The following PDCD6IP variants were observed in gnomAD, a reference collection of about 807,000 sequenced individuals.
PDCD6IP encodes programmed cell death 6-interacting protein.
Under a neutral mutation model 103.7 loss-of-function variants are expected in PDCD6IP, and 43 were observed. That is an observed-to-expected ratio of 0.41 (90% CI 0.32 to 0.53). PDCD6IP has a LOEUF of 0.53. Among genes scored for constraint, PDCD6IP ranks in the 20% least tolerant of loss-of-function variants. The pLI, the probability that PDCD6IP is intolerant of heterozygous loss-of-function variation, is 0.16. For missense variants in PDCD6IP, 871 were observed against 1,036.7 expected, an observed-to-expected ratio of 0.84 and a Z score of 2.20; for synonymous variants, 354 against 378.7, an observed-to-expected ratio of 0.93 and a Z score of 0.76.
chr3:33,831,496 C>T (rs1697244512), intron 7 of PDCD6IP, among the ~76,000 whole-genome samples: 1 of 151,970 alleles, frequency 6.6e-6, no homozygotes, highest in African/African-American at 2.4e-5. Flanking sequence ...AAAAATAGTA[C>T]TTAATTATGT....
At chr3:33,836,418 G>A in intron 8 of PDCD6IP, 152 bp downstream of exon 8, 1 of 596,554 alleles carries the variant, frequency 1.7e-6, no homozygotes, top group Middle Eastern at 4.2e-4. Flanking sequence ...TATTGTGCCA[G>A]TGCAATGTTA....
intron 7 of PDCD6IP, among the ~76,000 whole-genome samples, chr3:33,833,278 C>T (rs1980402): frequency 0.022 from 3,355 of 151,726 alleles, 61 homozygotes; most frequent in Non-Finnish European, 0.035. Context: ...TTTAGTTTTC[C>T]CTGATTTTTT....
chr3:33,814,323 C>T (rs938805352), intron 3 of PDCD6IP, among the ~76,000 whole-genome samples: 4 of 151,672 alleles, frequency 2.6e-5, no homozygotes, highest in East Asian at 1.9e-4. Context: ...TTAGTAGAGA[C>T]GGGGTTTCAC....
Position 33,798,676 on chromosome 3 carries a change from C to T in PDCD6IP, c.-53C>T. 1 of 1,462,690 alleles carries T rather than the reference C, an allele frequency of 6.8e-7. No individual in the cohort carries two copies. 90.6% of individuals were successfully genotyped at this position (1,462,690 alleles called of 1,614,324 possible). On this transcript the variant is annotated 5_prime_UTR_variant, in exon 1 of 18. Coordinates refer to ENST00000307296, the MANE Select transcript of PDCD6IP (RefSeq NM_013374.6). ...GCCCAGTACCTCTCTCTCCTCGGCC[C>T]TCGTAAGCTGTCCGCGGTCTGTTTG... is the stretch of plus-strand genomic sequence containing the variant.
intron 6 of PDCD6IP, 121 bp from the exon 7 acceptor site, chr3:33,828,732 C>T (rs1025844440): frequency 1.0e-6 from 1 of 999,966 alleles, no homozygotes; most frequent in Non-Finnish European, 1.5e-6. Context: ...ACCTTAATCT[C>T]TAAACCATTA....
In PDCD6IP at chr3:33,836,100, G is replaced by A; in HGVS notation, c.891G>A (p.Val297=). 6.2e-7 allele frequency: 1 copy of A among 1,612,742 alleles called. No homozygotes were observed. The highest frequency in any genetic ancestry group is 1.7e-5 in the Admixed American group (1 of 59,998). ...CTCGCTATGATGAATATGTTAATGT[G>A]AAGGATTTTTCTGACAAAATCAATC... ...VASRYDEYVN[V]KDFSDKINRA... Residue 297 remains valine (V), a synonymous_variant, in exon 8 of 18, where the codon GTG becomes GTA. Transcript: ENST00000307296.
At chr3:33,838,423 G>C in intron 9 of PDCD6IP, 96 bp downstream of exon 9, 1 of 1,166,442 alleles carries the variant, frequency 8.6e-7, no homozygotes, top group Admixed American at 2.2e-5. Context: ...TAAATGTCAA[G>C]AGTATATAAA....
intron 16 of PDCD6IP, 47 bp from the exon 17 acceptor site, chr3:33,865,196 A>G: frequency 7.6e-7 from 1 of 1,317,122 alleles, no homozygotes; most frequent in Admixed American, 2.9e-5. Flanking sequence ...TAGCAATTTG[A>G]GAGAAATATG....
intron 7 of PDCD6IP, among the ~76,000 whole-genome samples, chr3:33,830,463 G>C (rs1029240305): frequency 6.6e-6 from 1 of 152,110 alleles, no homozygotes; most frequent in African/African-American, 2.4e-5. Flanking sequence ...TCATTTTTAA[G>C]TACCCCTGAA....
Position 33,865,370 on chromosome 3 carries a change from G to A in PDCD6IP, c.2372G>A (p.Gly791Asp). 1 of 1,600,498 alleles carries A rather than the reference G, an allele frequency of 6.2e-7. No homozygotes were observed. The highest frequency in any genetic ancestry group is 2.3e-5 in the East Asian group (1 of 43,306). ...GCGCCAGCTCCATCACAAACGCCTG[G>A]CTCAGCTCCTCCTCCACAGGCGCAG... ...TAAPAPSQTP[G>D]SAPPPQAQGP... Residue 791 changes from glycine to aspartate, a missense_variant, in exon 17 of 18, where the codon GGC becomes GAC. Gly to Asp is a moderately conservative substitution (Grantham distance 94, BLOSUM62 -1). Around this residue, in one of 5 missense-constraint regions of PDCD6IP, gnomAD observed 202 missense variants for 205.2 expected, o/e 0.98. Transcript: ENST00000307296.
In PDCD6IP at chr3:33,856,395, G is replaced by A. The variant is rs1424629528; in HGVS notation, c.2120+1135G>A. Among the ~76,000 whole-genome samples the A allele has an allele frequency of 2.0e-5, 3 of 152,164 alleles. No individual in the cohort carries two copies. In the East Asian group the frequency reaches 5.8e-4, roughly 29 times the overall value. On this transcript the variant is annotated intron_variant, in intron 15 of 17. Transcript: ENST00000307296. ...TGACATGGGAAAGAGCACAAAGGGCGAATAAACACTAAAGAACACACAGGA... is the reference window on the plus strand; with the variant it reads ...TGACATGGGAAAGAGCACAAAGGGCAAATAAACACTAAAGAACACACAGGA...
intron 1 of PDCD6IP, among the ~76,000 whole-genome samples, chr3:33,808,715 T>C (rs772702890): frequency 2.0e-5 from 3 of 152,258 alleles, no homozygotes; most frequent in Non-Finnish European, 2.9e-5. Flanking sequence ...GTCAGTTTTC[T>C]ACACAACAGT....
At chr3:33,857,485 T>A (rs1253417736) in intron 15 of PDCD6IP, among the ~76,000 whole-genome samples, 5 of 152,186 alleles carry the variant, frequency 3.3e-5, no homozygotes, top group Non-Finnish European at 2.9e-5. Flanking sequence ...CATATTAGTC[T>A]TAATGATAAA....
At chr3:33,861,085 T>C (rs1697941481) in intron 15 of PDCD6IP, among the ~76,000 whole-genome samples, 1 of 151,782 alleles carries the variant, frequency 6.6e-6, no homozygotes, top group Admixed American at 6.6e-5. Context: ...ATAATCAATG[T>C]AAAATTACAA....
intron 1 of PDCD6IP, 192 bp downstream of exon 1, chr3:33,799,129 C>G: frequency 1.6e-6 from 1 of 611,148 alleles, no homozygotes; most frequent in South Asian, 2.1e-5. Context: ...TGTGACTGCC[C>G]GCTTGTCCTG....
chr3:33,841,397 C>G (rs1464839845), intron 9 of PDCD6IP, among the ~76,000 whole-genome samples: 1 of 139,046 alleles, frequency 7.2e-6, no homozygotes, highest in African/African-American at 2.7e-5. Context: ...TTATCAATCA[C>G]TGATTTTTTT....
At position 33,853,742 on chromosome 3, in the gene PDCD6IP, G is replaced by A. The variant is rs1005858457; in HGVS notation, c.1891-137G>A. 9.0e-6 allele frequency: 7 copies of A among 780,564 alleles called. No individual in the cohort carries two copies. The East Asian group carries it at 1.6e-4, about 17-fold the overall frequency. The allele number at this position is 780,564 out of a possible 1,614,324, so 48.4% of individuals were successfully genotyped here. Reference sequence around the variant, plus strand: ...AAGCATAATGAGGCTTCAAAAGAGTGTACTAGGTATTCTAGTAATTTTGCA... The same window carrying A: ...AAGCATAATGAGGCTTCAAAAGAGTATACTAGGTATTCTAGTAATTTTGCA... On this transcript the variant is annotated intron_variant, in intron 13 of 17. Transcript: ENST00000307296.
chr3:33,865,487 T>TA, intron 17 of PDCD6IP, 57 bp downstream of exon 17: 1 of 1,448,370 alleles, frequency 6.9e-7, no homozygotes, highest in Non-Finnish European at 9.3e-7. Flanking sequence ...AGGCTCTGGC[T>TA]AACCTGTTAA....
At chr3:33,803,396 G>A (rs1696518633) in intron 1 of PDCD6IP, among the ~76,000 whole-genome samples, 1 of 152,172 alleles carries the variant, frequency 6.6e-6, no homozygotes, top group Admixed American at 6.5e-5. Context: ...TTTTACTGAG[G>A]TTGAACAGTT....
Sources: allele counts gnomAD v4.1 joint callset (sites outside exome capture counted in the v4.1 genomes callset), GRCh38; gene constraint gnomAD v4.1.1; regional missense constraint gnomAD v4.1.1; transcripts MANE v1.5; gene names NCBI Gene and HGNC (gene_info 2026-07-23, HGNC 2026-07-21).